ARSG: variants seen among roughly 807,000 people sequenced by gnomAD.
ARSG encodes arylsulfatase G.
ARSG carries 37 observed loss-of-function variants against 50.5 expected under a neutral mutation model. The observed-to-expected ratio is 0.73, with a 90% CI of 0.56 to 0.96. The LOEUF is 0.96. ARSG is among the 50% of genes least tolerant of loss of function. ARSG has a pLI of 0.00. For missense variants in ARSG, 629 were observed against 675.3 expected (o/e 0.93, Z 0.76); for synonymous variants, 225 against 254.6 (o/e 0.88, Z 1.11).
chr17:68,306,598 G>T (rs1568443827), intron 1 of ARSG, among the ~76,000 whole-genome samples: 1 of 152,022 alleles, frequency 6.6e-6, no homozygotes, highest in Non-Finnish European at 1.5e-5. Context: ...TGGTAATAAG[G>T]GTCTCACCTC....
chr17:68,428,479 C>T, the ARSG span: 3 of 208,190 alleles, frequency 1.4e-5, no homozygotes, highest in African/African-American at 2.3e-5. Context: ...GCCATCCACC[C>T]GCTTCGGCCT....
chr17:68,331,971 G>A (rs1185801139), intron 2 of ARSG, among the ~76,000 whole-genome samples: 2 of 152,208 alleles, frequency 1.3e-5, no homozygotes, highest in African/African-American at 2.4e-5. Flanking sequence ...AATTAGAATT[G>A]CTAATGAAGT....
chr17:68,407,304 G>A (rs1281224671), intron 11 of ARSG, among the ~76,000 whole-genome samples: 1 of 152,194 alleles, frequency 6.6e-6, no homozygotes, highest in Non-Finnish European at 1.5e-5. Flanking sequence ...CAGGTAGTGT[G>A]ATGCCTCCAG....
chr17:68,433,627 G>T, the ARSG span: 1 of 1,431,728 alleles, frequency 7.0e-7, no homozygotes, highest in Non-Finnish European at 9.8e-7. Flanking sequence ...GGGAGTTATG[G>T]CCTTATAACT....
chr17:68,387,422 C>T (rs1373686803), intron 9 of ARSG, among the ~76,000 whole-genome samples: 1 of 152,232 alleles, frequency 6.6e-6, no homozygotes, highest in African/African-American at 2.4e-5. Context: ...AGCCATCACA[C>T]ACAGCCAAGG....
chr17:68,369,511 G>C (rs1329297279), intron 7 of ARSG, among the ~76,000 whole-genome samples: 1 of 151,824 alleles, frequency 6.6e-6, no homozygotes, highest in Non-Finnish European at 1.5e-5. Flanking sequence ...CTGCACTCCA[G>C]CCTGGGAGAC....
Position 68,293,671 on chromosome 17 carries a change from C to G in ARSG, c.-552+2103C>G, listed in dbSNP as rs78490907. Reference sequence around the variant, plus strand: ...CTTCTGTAGTTGACACTCATTATTCCCATTTTACAGATGAGGAAAGTGGAG... The same window carrying G: ...CTTCTGTAGTTGACACTCATTATTCGCATTTTACAGATGAGGAAAGTGGAG... On this transcript the variant is annotated intron_variant, in intron 1 of 11. Coordinates refer to ENST00000621439, the MANE Select transcript of ARSG (RefSeq NM_001267727.2). 4.2e-3 allele frequency among the ~76,000 whole-genome samples: 645 copies of G among 152,142 alleles called. 6 individuals carry two copies. The highest frequency in any genetic ancestry group is 0.015 in the African/African-American group (609 of 41,484).
intron 8 of ARSG, among the ~76,000 whole-genome samples, chr17:68,374,987 T>A (rs571523896): frequency 1.3e-5 from 2 of 152,208 alleles, no homozygotes; most frequent in Non-Finnish European, 2.9e-5. Flanking sequence ...TTCCTCCTAT[T>A]TGTTGAGCAC....
At chr17:68,301,240 A>G (rs1419874177) in intron 1 of ARSG, among the ~76,000 whole-genome samples, 2 of 152,086 alleles carry the variant, frequency 1.3e-5, no homozygotes, top group South Asian at 2.1e-4. Flanking sequence ...TGGCCCCTAC[A>G]CTCTAAGAAA....
At chr17:68,343,535 G>T in intron 2 of ARSG, 69 bp from the exon 3 acceptor site, 2 of 1,380,922 alleles carry the variant, frequency 1.4e-6, no homozygotes, top group Non-Finnish European at 2.0e-6. Context: ...AACTGAGTGG[G>T]CACTGCCTTT....
the ARSG span, chr17:68,450,963 T>A: frequency 3.2e-6 from 5 of 1,553,812 alleles, no homozygotes; most frequent in South Asian, 5.0e-5. Context: ...CCAGCCTCCA[T>A]GACACTGGGC....
rs374811152 is a variant in ARSG, at chr17:68,420,160, C to T, written c.1304-29C>T. 5.0e-5 allele frequency: 80 copies of T among 1,609,432 alleles called. No individual in the cohort carries two copies. In the South Asian group the frequency reaches 8.5e-4, roughly 17 times the overall value. On this transcript the variant is annotated intron_variant, in intron 11 of 11. Transcript: ENST00000621439. ...AACACAGGGCAACTGTCAGGGTTAG[C>T]GAGGCATTTGTTGTCATTCCCTCTC...
At chr17:68,352,222 C>T (rs913845203) in intron 5 of ARSG, among the ~76,000 whole-genome samples, 3 of 150,650 alleles carry the variant, frequency 2.0e-5, no homozygotes, top group South Asian at 4.2e-4. Flanking sequence ...TCCTTTTGAG[C>T]TTCTCCCCGC....
At chr17:68,331,217 CTTTCTTTCTTTCTTTG>C (rs796154836) in intron 2 of ARSG, among the ~76,000 whole-genome samples, 5,075 of 40,374 alleles carry the variant, frequency 0.13, 206 homozygotes, top group African/African-American at 0.23. Flanking sequence ...TTCTTTCTTT[CTTTCTTTCTTTCTTTG>C]TTTCTTTCTT....
At chr17:68,344,092 T>C (rs1167329811) in intron 3 of ARSG, among the ~76,000 whole-genome samples, 2 of 152,168 alleles carry the variant, frequency 1.3e-5, no homozygotes, top group Non-Finnish European at 2.9e-5. Flanking sequence ...ATCCTTAGCA[T>C]GTTGGTGTTT....
chr17:68,358,987 C>T (rs1380715128), intron 6 of ARSG, among the ~76,000 whole-genome samples: 1 of 152,048 alleles, frequency 6.6e-6, no homozygotes, highest in Non-Finnish European at 1.5e-5. Flanking sequence ...CACGATGAAA[C>T]CCCGTCTCTA....
intron 1 of ARSG, among the ~76,000 whole-genome samples, chr17:68,283,631 A>T (rs2075769459): frequency 6.6e-6 from 1 of 151,714 alleles, no homozygotes; most frequent in Non-Finnish European, 1.5e-5. Context: ...AACCAGCCTG[A>T]CCAACATGGA....
At chr17:68,426,008 T>C (rs1379323605), downstream of ARSG, 1 of 1,265,442 alleles carries the variant, frequency 7.9e-7, no homozygotes. Context: ...CTGCCTCTCG[T>C]ATGAGGCGAA....
intron 1 of ARSG, among the ~76,000 whole-genome samples, chr17:68,285,906 C>T (rs1568418972): frequency 3.9e-5 from 6 of 151,988 alleles, no homozygotes. Context: ...ATTACAGACG[C>T]CCGCCACCAT....
Sources: gnomAD v4.1 joint callset for allele counts (sites outside exome capture counted in the v4.1 genomes callset) on GRCh38, gnomAD v4.1.1 for gene constraint, MANE v1.5 for transcripts, NCBI Gene and HGNC (gene_info 2026-07-23, HGNC 2026-07-21) for gene names.